EIF2AK2: variants seen among roughly 807,000 people sequenced by gnomAD.
EIF2AK2 encodes the protein eukaryotic translation initiation factor 2 alpha kinase 2.
In EIF2AK2, 40 loss-of-function variants were observed where a neutral mutation model predicts 70.5. The observed-to-expected ratio is 0.57, with a 90% CI of 0.44 to 0.74. EIF2AK2 has a LOEUF of 0.74. Ranked by LOEUF, EIF2AK2 falls within the 30% of genes least tolerant of loss-of-function variation. The pLI, the probability that EIF2AK2 is intolerant of heterozygous loss-of-function variation, is 0.00. For synonymous variants in EIF2AK2, 198 were observed against 220.9 expected, an observed-to-expected ratio of 0.90 and a Z score of 0.92; for missense variants, 555 against 644.3, an observed-to-expected ratio of 0.86 and a Z score of 1.50.
At position 37,107,151 on chromosome 2, in the gene EIF2AK2, A is replaced by G; in HGVS notation, c.*122T>C. 8.1e-7 allele frequency: 1 copy of G among 1,234,070 alleles called. No homozygotes were observed. The highest frequency in any genetic ancestry group is 2.3e-5 in the South Asian group (1 of 43,856). 76.4% of individuals were successfully genotyped at this position (1,234,070 alleles called of 1,614,324 possible). ...TGTTTCTGCAGAAAGATTAGTAAAA[A>G]TAGTAAAAAATTAAAGGAAACATTA... is the stretch of plus-strand genomic sequence containing the variant. On this transcript the variant is annotated 3_prime_UTR_variant, in exon 17 of 17. Transcript: ENST00000233057.
At chr2:37,112,579 G>A (rs72790603) in intron 14 of EIF2AK2, among the ~76,000 whole-genome samples, 37,516 of 152,108 alleles carry the variant, frequency 0.25, 5,732 homozygotes, top group Middle Eastern at 0.36. Flanking sequence ...GAAGAATAAT[G>A]TGGCAGGTCC....
At chr2:37,151,144 GAAGAA>G (rs1302118039) in intron 1 of EIF2AK2, among the ~76,000 whole-genome samples, 3 of 152,176 alleles carry the variant, frequency 2.0e-5, no homozygotes, top group Non-Finnish European at 4.4e-5. Flanking sequence ...AGGACACTAT[GAAGAA>G]AATAAAATGA....
chr2:37,152,037 GC>G (rs1675762914), intron 1 of EIF2AK2, among the ~76,000 whole-genome samples: 1 of 152,252 alleles, frequency 6.6e-6, no homozygotes, highest in African/African-American at 2.4e-5. Flanking sequence ...CTGCACTCCA[GC>G]CTGCGCGACA....
rs912627459 is a variant in EIF2AK2 at position 37,101,650 on chromosome 2, C to G, written c.*5623G>C. On this transcript the variant is annotated 3_prime_UTR_variant, in exon 17 of 17. Transcript: ENST00000233057. Reference sequence around the variant, plus strand: ...TGGACACTCTGGGGATACTCTCAGTCAAATCCTGAGTGGAGGAAATTCCAC... The same window carrying G: ...TGGACACTCTGGGGATACTCTCAGTGAAATCCTGAGTGGAGGAAATTCCAC... The G allele has an allele frequency of 1.3e-5, 2 of 152,126 alleles. No homozygotes were observed. Among genetic ancestry groups the G allele is most frequent in the Non-Finnish European group, 1.5e-5 (1 of 68,032 alleles). The allele number at this position is 152,126 out of a possible 1,614,324, so 9.4% of individuals were successfully genotyped here.
At chr2:37,109,572 G>A in intron 14 of EIF2AK2, 1 of 343,942 alleles carries the variant, frequency 2.9e-6, no homozygotes, top group Non-Finnish European at 5.3e-6. Flanking sequence ...AGAGTGAGAT[G>A]CAGCAGGTAA....
At chr2:37,144,541 T>C (rs1385511543) in intron 4 of EIF2AK2, among the ~76,000 whole-genome samples, 2 of 152,080 alleles carry the variant, frequency 1.3e-5, no homozygotes, top group Middle Eastern at 3.4e-3. Flanking sequence ...CCTGACGCTG[T>C]GTAGGCCTAG....
intron 2 of EIF2AK2, chr2:37,148,579 T>A (rs1675637707): frequency 1.3e-6 from 1 of 795,000 alleles, no homozygotes; most frequent in Non-Finnish European, 2.2e-6. Context: ...ATGAGTGCCA[T>A]AAAACCTACT....
intron 8 of EIF2AK2, among the ~76,000 whole-genome samples, chr2:37,137,264 T>C (rs1417000364): frequency 6.6e-6 from 1 of 152,254 alleles, no homozygotes; most frequent in East Asian, 1.9e-4. Flanking sequence ...GTAAAGCAGC[T>C]TTTAATATTT....
At chr2:37,146,294 G>T (rs1675537160) in intron 4 of EIF2AK2, among the ~76,000 whole-genome samples, 1 of 152,260 alleles carries the variant, frequency 6.6e-6, no homozygotes, top group African/African-American at 2.4e-5. Flanking sequence ...GCCCAAAGGT[G>T]CATTTCTCAC....
At position 37,107,250 on chromosome 2, in the gene EIF2AK2, C is replaced by G. The variant is rs1301483832; in HGVS notation, c.*23G>C. ...TTTAAGGAAAACTGCATATCAGAAG[C>G]AGGATACTTTTTCAGAAGGGCTCTA... On this transcript the variant is annotated 3_prime_UTR_variant, in exon 17 of 17. Transcript: ENST00000233057. The G allele has an allele frequency of 6.2e-7, 1 of 1,601,664 alleles. No homozygotes were observed. Among genetic ancestry groups the G allele is most frequent in the Non-Finnish European group, 8.5e-7 (1 of 1,176,238 alleles).
chr2:37,155,950 A>AAAAAAAAAAAAAG (rs10638880), intron 1 of EIF2AK2, among the ~76,000 whole-genome samples: 1 of 138,982 alleles, frequency 7.2e-6, no homozygotes, highest in Admixed American at 7.3e-5. Context: ...AAAAAAAAAA[A>AAAAAAAAAAAAAG]AAAAGAAAAG....
intron 11 of EIF2AK2, among the ~76,000 whole-genome samples, chr2:37,123,345 C>G (rs1674621404): frequency 1.3e-5 from 2 of 151,748 alleles, no homozygotes; most frequent in African/African-American, 4.8e-5. Flanking sequence ...TGGCTCATTG[C>G]AGCCTCAACC....
In EIF2AK2 at chr2:37,147,670, T is replaced by C. The variant is rs1243873773; in HGVS notation, c.119+18A>G. 1.3e-6 allele frequency: 2 copies of C among 1,543,080 alleles called. No homozygotes were observed. The highest frequency in any genetic ancestry group is 1.7e-5 in the Admixed American group (1 of 59,026). ...ATCATTTTTTATGGCTGCCATATCA[T>C]TTTTTATAGCAACCTACCTCCTATC... On this transcript the variant is annotated intron_variant, in intron 3 of 16. Coordinates refer to ENST00000233057, the MANE Select transcript of EIF2AK2 (RefSeq NM_001135651.3).
Position 37,138,275 on chromosome 2 carries a change from G to A in EIF2AK2, c.682C>T (p.Leu228Phe). The A allele has an allele frequency of 6.2e-7, 1 of 1,611,128 alleles. No individual in the cohort carries two copies. The highest frequency in any genetic ancestry group is 8.5e-7 in the Non-Finnish European group (1 of 1,178,308). The change falls in exon 8 of 17, where the codon CTT becomes TTT. Residue 228 changes from leucine (L) to phenylalanine (F), a missense_variant. Around this residue, in one of 3 missense-constraint regions of EIF2AK2, gnomAD observed 208 missense variants for 191.8 expected, o/e 1.08. Coordinates refer to ENST00000233057, the MANE Select transcript of EIF2AK2 (RefSeq NM_001135651.3). ...CTTCGAGACTAATACGATACCATAA[G>A]CAACGAAGAACTGTTTAAACTGTCA... Reference protein sequence around the residue: ...NSDSLNSSSLLMNGLRNNQRK... With the variant: ...NSDSLNSSSLFMNGLRNNQRK...
At chr2:37,135,751 C>T (rs771037934) in intron 9 of EIF2AK2, among the ~76,000 whole-genome samples, 2 of 152,208 alleles carry the variant, frequency 1.3e-5, no homozygotes, top group Admixed American at 1.3e-4. Context: ...CCACCTCAGC[C>T]TCCCAGGTAG....
chr2:37,115,366 G>T, intron 13 of EIF2AK2: 1 of 153,252 alleles, frequency 6.5e-6, no homozygotes, highest in Non-Finnish European at 1.4e-5. Context: ...CTGGACAGAA[G>T]TAAGGATTTC....
At position 37,103,313 on chromosome 2, in the gene EIF2AK2, G is replaced by A. The variant is rs894904703; in HGVS notation, c.*3960C>T. The A allele has an allele frequency of 3.8e-4, 58 of 151,486 alleles. No homozygotes were observed. The highest frequency in any genetic ancestry group is 7.2e-4 in the Non-Finnish European group (49 of 68,092). The allele number at this position is 151,486 out of a possible 1,614,324, so 9.4% of individuals were successfully genotyped here. ...TGGGTTCAAGCGATTCTCCTGCCAC[G>A]GACTCCCGAGTAGCTGGGATTACAG... On this transcript the variant is annotated 3_prime_UTR_variant, in exon 17 of 17. Transcript: ENST00000233057.
At chr2:37,112,001 T>C (rs1674179194) in intron 14 of EIF2AK2, among the ~76,000 whole-genome samples, 1 of 148,844 alleles carries the variant, frequency 6.7e-6, no homozygotes, top group Non-Finnish European at 1.5e-5. Flanking sequence ...GGTTGTATGA[T>C]TGCCCCCAAT....
intron 15 of EIF2AK2, among the ~76,000 whole-genome samples, chr2:37,107,791 T>C (rs1674013409): frequency 6.6e-6 from 1 of 152,170 alleles, no homozygotes; most frequent in South Asian, 2.1e-4. Flanking sequence ...TAGGTACTTC[T>C]AACTGTTTTA....
Sources: allele counts gnomAD v4.1 joint callset (sites outside exome capture counted in the v4.1 genomes callset), GRCh38; gene constraint gnomAD v4.1.1; regional missense constraint gnomAD v4.1.1; transcripts MANE v1.5; gene names NCBI Gene and HGNC (gene_info 2026-07-23, HGNC 2026-07-21).